The following B4GALNT3 variants were observed in gnomAD, a reference collection of about 807,000 sequenced individuals.
The protein encoded by B4GALNT3 is beta-1,4-N-acetyl-galactosaminyltransferase 3.
In B4GALNT3, 86 loss-of-function variants were observed where a neutral mutation model predicts 120.2. The ratio of observed to expected loss-of-function variants is 0.72; its 90% CI spans 0.60 to 0.86. The LOEUF is 0.86. B4GALNT3 is among the 40% of genes least tolerant of loss of function. B4GALNT3 has a pLI of 0.00. For missense variants in B4GALNT3, 1,167 were observed against 1,298.9 expected (o/e 0.90, Z 1.56); for synonymous variants, 518 against 510.4 (o/e 1.01, Z -0.20).
chr12:498,245 T>C (rs1946407014), intron 1 of B4GALNT3, among the ~76,000 whole-genome samples: 2 of 152,154 alleles, frequency 1.3e-5, no homozygotes, highest in African/African-American at 4.8e-5. Context: ...TGTCACTGGC[T>C]CTTCCTGCCG....
At chr12:475,460 G>A (rs141512515) in intron 1 of B4GALNT3, among the ~76,000 whole-genome samples, 1 of 152,282 alleles carries the variant, frequency 6.6e-6, no homozygotes, top group African/African-American at 2.4e-5. Context: ...TCTGGAAGCA[G>A]CCATCCAGAG....
intron 18 of B4GALNT3, 127 bp downstream of exon 18, chr12:558,788 TG>T: frequency 8.8e-6 from 9 of 1,027,998 alleles, no homozygotes; most frequent in Non-Finnish European, 1.2e-5. Flanking sequence ...TGCCCTCCTG[TG>T]GCCTTCACTC....
chr12:483,968 T>G (rs1455977939), intron 1 of B4GALNT3, among the ~76,000 whole-genome samples: 1 of 152,192 alleles, frequency 6.6e-6, no homozygotes, highest in Non-Finnish European at 1.5e-5. Flanking sequence ...GCAGGAAAGT[T>G]ACTAAATCTC....
intron 1 of B4GALNT3, among the ~76,000 whole-genome samples, chr12:486,010 T>C (rs1946287283): frequency 6.6e-6 from 1 of 152,096 alleles, no homozygotes. Context: ...ACCTAAACTG[T>C]AATTGATGAA....
chr12:504,989 C>T (rs1207474441), intron 1 of B4GALNT3, among the ~76,000 whole-genome samples: 1 of 151,800 alleles, frequency 6.6e-6, no homozygotes, highest in African/African-American at 2.4e-5. Context: ...CTCTTGGGTT[C>T]AAGCGATCCT....
chr12:474,947 C>CAAAAAAAAAA (rs386375353), intron 1 of B4GALNT3, among the ~76,000 whole-genome samples: 7 of 60,618 alleles, frequency 1.2e-4, no homozygotes, highest in African/African-American at 4.5e-4. Context: ...GACCTTGTCT[C>CAAAAAAAAAA]AAAAAAAAAA....
intron 3 of B4GALNT3, among the ~76,000 whole-genome samples, chr12:543,954 G>A (rs1442078106): frequency 7.3e-6 from 1 of 136,444 alleles, no homozygotes; most frequent in Non-Finnish European, 1.6e-5. Context: ...GATCTGGGGC[G>A]GGTGTGGGAT....
In B4GALNT3 at chr12:552,433, C is replaced by T. The variant is rs200960250; in HGVS notation, c.1209-34C>T. Reference sequence around the variant, plus strand: ...AGCCAGGGCTGAGCCCGCCATGCACCGGGTGCCAATGCACACCTCCCTTCC... The same window carrying T: ...AGCCAGGGCTGAGCCCGCCATGCACTGGGTGCCAATGCACACCTCCCTTCC... On this transcript the variant is annotated intron_variant, in intron 12 of 19. Transcript: ENST00000266383. 6.3e-6 allele frequency: 10 copies of T among 1,598,604 alleles called. No homozygotes were observed. The East Asian group carries it at 6.7e-5, about 11-fold the overall frequency.
chr12:461,172 C>T (rs1418937659), intron 1 of B4GALNT3, among the ~76,000 whole-genome samples: 2 of 152,014 alleles, frequency 1.3e-5, no homozygotes, highest in African/African-American at 2.4e-5. Flanking sequence ...CTCCTCGCTG[C>T]GCCCTCTTTC....
chr12:511,339 T>TCCTTCCA (rs377518044), intron 1 of B4GALNT3, among the ~76,000 whole-genome samples: 3 of 51,122 alleles, frequency 5.9e-5, no homozygotes, highest in Non-Finnish European at 1.2e-4. Flanking sequence ...CCTTCCACCT[T>TCCTTCCA]CCTTCCACCT....
At chr12:485,614 C>T (rs1007463219) in intron 1 of B4GALNT3, among the ~76,000 whole-genome samples, 1 of 152,040 alleles carries the variant, frequency 6.6e-6, no homozygotes, top group African/African-American at 2.4e-5. Flanking sequence ...ACCTCAGCTA[C>T]GAATGGGATT....
rs200552409 is a variant in B4GALNT3, at chr12:532,820, A to G, written c.170-2346A>G. ...TCACTTCCCAGCAGATGCCAGGACA[A>G]GGGCAGCTGAAGACCCACAATGCTA... On this transcript the variant is annotated intron_variant, in intron 1 of 19. Transcript: ENST00000266383. 2.0e-5 allele frequency among the ~76,000 whole-genome samples: 3 copies of G among 152,176 alleles called. No homozygotes were observed. The East Asian group carries it at 5.8e-4, about 29-fold the overall frequency.
At chr12:557,523 C>A in intron 15 of B4GALNT3, 85 bp from the exon 16 acceptor site, 1 of 1,447,226 alleles carries the variant, frequency 6.9e-7, no homozygotes, top group South Asian at 1.3e-5. Flanking sequence ...ACTCCTGACT[C>A]ACCTGGGAGC....
At chr12:552,406 A>G in intron 12 of B4GALNT3, 61 bp from the exon 13 acceptor site, 1 of 1,530,892 alleles carries the variant, frequency 6.5e-7, no homozygotes, top group Non-Finnish European at 9.0e-7. Flanking sequence ...GACTTCCAGC[A>G]GAGCCAGGGC....
intron 1 of B4GALNT3, among the ~76,000 whole-genome samples, chr12:479,443 T>C (rs1592014086): frequency 6.6e-6 from 1 of 152,144 alleles, no homozygotes. Context: ...GCAGTAGGAC[T>C]TTGAATCTGG....
intron 11 of B4GALNT3, 96 bp downstream of exon 11, chr12:551,127 C>G (rs1012534361): frequency 1.9e-6 from 2 of 1,055,636 alleles, no homozygotes; most frequent in East Asian, 5.0e-5. Context: ...TTCCCATCTT[C>G]CCAACATCCC....
intron 1 of B4GALNT3, among the ~76,000 whole-genome samples, chr12:514,005 A>G (rs1272996868): frequency 6.6e-6 from 1 of 152,212 alleles, no homozygotes. Context: ...ATTAGGAATA[A>G]TGCTGCGCTG....
In B4GALNT3 at chr12:557,648, C is replaced by T. The variant is rs1013933216; in HGVS notation, c.2421C>T (p.Asp807=). The T allele has an allele frequency of 1.2e-6, 2 of 1,611,904 alleles. No homozygotes were observed. The highest frequency in any genetic ancestry group is 2.2e-5 in the South Asian group (2 of 90,798). The stretch of plus-strand genomic sequence containing the variant: ...GCTGGGTACAGCAATTCATCAAAGA[C>T]ATGGAAAACCTGTTCCAGGTCACCG... ...QARWVQQFIK[D]MENLFQVTGD... Residue 807 remains aspartate (D), a synonymous_variant, in exon 16 of 20, where the codon GAC becomes GAT. Coordinates refer to ENST00000266383, the MANE Select transcript of B4GALNT3 (RefSeq NM_173593.4).
At chr12:511,678 C>T (rs182561669) in intron 1 of B4GALNT3, among the ~76,000 whole-genome samples, 1,991 of 76,698 alleles carry the variant, frequency 0.026, no homozygotes, top group African/African-American at 0.06. Flanking sequence ...TTCCGCCTTC[C>T]GCCTTCCACC....
Sources: allele counts gnomAD v4.1 joint callset (sites outside exome capture counted in the v4.1 genomes callset), GRCh38; gene constraint gnomAD v4.1.1; transcripts MANE v1.5; gene names NCBI Gene and HGNC (gene_info 2026-07-23, HGNC 2026-07-21).